The following HSF2 variants were observed in gnomAD, a reference collection of about 807,000 sequenced individuals.
HSF2 encodes the protein heat shock factor protein 2.
HSF2 carries 21 observed loss-of-function variants against 65.0 expected under a neutral mutation model. That is an observed-to-expected ratio of 0.32 (90% CI 0.23 to 0.47). HSF2 has a LOEUF of 0.47. HSF2 is among the 20% of genes least tolerant of loss of function. The pLI, the probability that HSF2 is intolerant of heterozygous loss-of-function variation, is 1.00. For missense variants in HSF2, 499 were observed against 628.1 expected, an observed-to-expected ratio of 0.79 and a Z score of 2.20; for synonymous variants, 225 against 219.1, an observed-to-expected ratio of 1.03 and a Z score of -0.24.
intron 7 of HSF2, 156 bp downstream of exon 7, chr6:122,420,378 G>T: frequency 5.2e-6 from 3 of 574,372 alleles, no homozygotes; most frequent in East Asian, 6.5e-5. Flanking sequence ...ATTTGCTTTA[G>T]ATTATTGTAA....
chr6:122,406,139 T>C (rs1254488862), intron 1 of HSF2, among the ~76,000 whole-genome samples: 1 of 152,192 alleles, frequency 6.6e-6, no homozygotes, highest in Non-Finnish European at 1.5e-5. Context: ...AAGAAAGATA[T>C]TTATTTAAGG....
chr6:122,401,767 C>T (rs373534677), intron 1 of HSF2, among the ~76,000 whole-genome samples: 12 of 152,004 alleles, frequency 7.9e-5, no homozygotes, highest in East Asian at 7.7e-4. Context: ...AAATGAGATC[C>T]CTCGAAAATG....
rs1029732672 is a variant in HSF2 at position 122,402,743 on chromosome 6, G to A, written c.93+2913G>A. 2.6e-5 allele frequency among the ~76,000 whole-genome samples: 4 copies of A among 152,096 alleles called. No homozygotes were observed. The East Asian group carries it at 5.8e-4, about 22-fold the overall frequency. ...AATTTTTGTATTTTTAGTAGAGACAGTGTTTCACCATGTTGGCCAGGCAGT... is the reference window on the plus strand; with the variant it reads ...AATTTTTGTATTTTTAGTAGAGACAATGTTTCACCATGTTGGCCAGGCAGT... On this transcript the variant is annotated intron_variant, in intron 1 of 12. Transcript: ENST00000368455.
intron 7 of HSF2, among the ~76,000 whole-genome samples, chr6:122,421,701 C>T (rs1007803852): frequency 2.0e-5 from 3 of 151,666 alleles, no homozygotes; most frequent in Non-Finnish European, 1.5e-5. Flanking sequence ...GTTTTTTTCT[C>T]TTAGTGAAGG....
At chr6:122,402,461 C>G (rs1773758859) in intron 1 of HSF2, among the ~76,000 whole-genome samples, 1 of 152,104 alleles carries the variant, frequency 6.6e-6, no homozygotes, top group Admixed American at 6.5e-5. Flanking sequence ...TAAATGAAAC[C>G]CTAGAAAATG....
At chr6:122,400,212 A>G (rs1773695269) in intron 1 of HSF2, among the ~76,000 whole-genome samples, 1 of 152,150 alleles carries the variant, frequency 6.6e-6, no homozygotes, top group Admixed American at 6.5e-5. Context: ...CTCAGGGGTT[A>G]CAAATCGCGG....
intron 1 of HSF2, among the ~76,000 whole-genome samples, chr6:122,409,303 A>G (rs1276078741): frequency 6.6e-6 from 1 of 151,982 alleles, no homozygotes; most frequent in Non-Finnish European, 1.5e-5. Context: ...TGCCACAGAG[A>G]GGTGTAGGAA....
intron 2 of HSF2, 21 bp from the exon 3 acceptor site, chr6:122,412,616 T>A (rs1774026117): frequency 6.2e-7 from 1 of 1,605,406 alleles, no homozygotes; most frequent in Admixed American, 1.7e-5. Flanking sequence ...TTTAGTCATT[T>A]GAATTTTGAA....
In HSF2 at chr6:122,431,943, A is replaced by T; in HGVS notation, c.1334A>T (p.Tyr445Phe). The T allele has an allele frequency of 6.2e-7, 1 of 1,613,788 alleles. No individual in the cohort carries two copies. The highest frequency in any genetic ancestry group is 2.2e-5 in the East Asian group (1 of 44,876). Reference sequence around the variant, plus strand: ...TTTATAGATAAGCAGCTTATCCAGTATACCGCCTTTCCACTTCTTGCATTC... The same window carrying T: ...TTTATAGATAAGCAGCTTATCCAGTTTACCGCCTTTCCACTTCTTGCATTC... ...KSKPDKQLIQ[Y>F]TAFPLLAFLD... The change falls in exon 13 of 13, where the codon TAT (tyrosine) becomes TTT (phenylalanine). Residue 445 changes from tyrosine (Y) to phenylalanine (F), a missense_variant. Coordinates refer to ENST00000368455, the MANE Select transcript of HSF2 (RefSeq NM_004506.4).
At chr6:122,422,621 G>A in intron 8 of HSF2, 97 bp from the exon 9 acceptor site, 2 of 1,251,072 alleles carry the variant, frequency 1.6e-6, no homozygotes, top group East Asian at 2.3e-5. Context: ...CTTTCAGTAT[G>A]TGGTATGGGG....
intron 8 of HSF2, among the ~76,000 whole-genome samples, 184 bp from the exon 9 acceptor site, chr6:122,422,534 C>T (rs952463588): frequency 6.6e-6 from 1 of 152,126 alleles, no homozygotes; most frequent in Non-Finnish European, 1.5e-5. Context: ...TTAAGCACTT[C>T]TCATTCAATC....
intron 4 of HSF2, 57 bp from the exon 5 acceptor site, chr6:122,416,164 G>A (rs1469620085): frequency 6.8e-6 from 7 of 1,022,838 alleles, no homozygotes; most frequent in South Asian, 1.3e-5. Flanking sequence ...AGATACTATG[G>A]TCTGGTTTTT....
chr6:122,403,224 TATA>T (rs1773782212), intron 1 of HSF2, among the ~76,000 whole-genome samples: 1 of 152,180 alleles, frequency 6.6e-6, no homozygotes, highest in Non-Finnish European at 1.5e-5. Flanking sequence ...AATACAAGAA[TATA>T]ATAATCTGAA....
chr6:122,417,148 GT>G lies in HSF2; in HGVS notation c.531+867del, dbSNP rs376772134. On this transcript the variant is annotated intron_variant, in intron 5 of 12. Transcript: ENST00000368455. ...AGCCTAGTCAACATAGATTTACTGT[GT>G]TTTTTTTTTTTTTTAAAGTGTGCAA... 4.7e-3 allele frequency among the ~76,000 whole-genome samples: 659 copies of G among 140,492 alleles called. 1 individual carries two copies. Among genetic ancestry groups the G allele is most frequent in the African/African-American group, 7.8e-3 (303 of 38,614 alleles). 92.2% of individuals were successfully genotyped at this position (140,492 alleles called of 152,430 possible).
chr6:122,409,193 TGAAAG>T (rs1466581485), intron 1 of HSF2, among the ~76,000 whole-genome samples: 1 of 151,680 alleles, frequency 6.6e-6, no homozygotes, highest in African/African-American at 2.4e-5. Context: ...GGAAGAAAAT[TGAAAG>T]GAAATATAAG....
chr6:122,424,183 A>G (rs1020932199), intron 10 of HSF2, among the ~76,000 whole-genome samples: 1 of 150,574 alleles, frequency 6.6e-6, no homozygotes, highest in Non-Finnish European at 1.5e-5. Flanking sequence ...CCCCACCACC[A>G]TCCCTATGAA....
chr6:122,412,103 A>G (rs1369530497), intron 1 of HSF2, among the ~76,000 whole-genome samples: 2 of 151,766 alleles, frequency 1.3e-5, no homozygotes, highest in East Asian at 3.9e-4. Context: ...GGTTTAATGG[A>G]AGTTCTAATA....
rs1774206060 is a variant in HSF2, at chr6:122,420,384, TG to T, written c.681+163del. Reference sequence around the variant, plus strand: ...TTTTTTATTATTTGCTTTAGATTATTGTAAGAAATAAATCATCACAAATCTA... The same window carrying T: ...TTTTTTATTATTTGCTTTAGATTATTTAAGAAATAAATCATCACAAATCTA... On this transcript the variant is annotated intron_variant, in intron 7 of 12. Coordinates refer to ENST00000368455, the MANE Select transcript of HSF2 (RefSeq NM_004506.4). 4 of 568,808 alleles carry T rather than the reference TG, an allele frequency of 7.0e-6. No homozygotes were observed. In the East Asian group the frequency reaches 1.3e-4, roughly 18 times the overall value. The allele number at this position is 568,808 out of a possible 1,614,324, so 35.2% of individuals were successfully genotyped here. A position where few individuals can be genotyped will look rare whatever the true frequency, so the allele number is the denominator to read the frequency against.
chr6:122,402,434 C>G (rs1240440122), intron 1 of HSF2, among the ~76,000 whole-genome samples: 1 of 152,106 alleles, frequency 6.6e-6, no homozygotes, highest in Non-Finnish European at 1.5e-5. Flanking sequence ...TTTCATCTTT[C>G]TCTTTTCTTT....
Sources: allele counts gnomAD v4.1 joint callset (sites outside exome capture counted in the v4.1 genomes callset), GRCh38; gene constraint gnomAD v4.1.1; transcripts MANE v1.5; gene names NCBI Gene and HGNC (gene_info 2026-07-23, HGNC 2026-07-21).